Variants in PLD5 observed in about 807,000 individuals in gnomAD.
The protein encoded by PLD5 is phospholipase D family member 5.
PLD5 carries 36 observed loss-of-function variants against 61.1 expected under a neutral mutation model. The observed-to-expected ratio is 0.59, with a 90% CI of 0.45 to 0.78. The LOEUF (loss-of-function observed/expected upper bound fraction) is 0.78, where lower values mean the gene tolerates loss of function less well. PLD5 is among the 30% of genes least tolerant of loss of function. The pLI, the probability that PLD5 is intolerant of heterozygous loss-of-function variation, is 0.00. For synonymous variants in PLD5, 243 were observed against 242.8 expected (o/e 1.00, Z -0.01); for missense variants, 515 against 644.4 (o/e 0.80, Z 2.17).
intron 9 of PLD5, among the ~76,000 whole-genome samples, chr1:242,096,923 C>A (rs375492306): frequency 6.6e-6 from 1 of 151,338 alleles, no homozygotes; most frequent in Non-Finnish European, 1.5e-5. Context: ...CAACAGCCCC[C>A]GGTGTGTGAT....
intron 1 of PLD5, chr1:242,449,632 A>G (rs1207588784): frequency 4.7e-6 from 4 of 859,684 alleles, no homozygotes; most frequent in Non-Finnish European, 6.7e-6. Flanking sequence ...TTTAGCATTT[A>G]AGCAAGCACT....
chr1:242,431,682 G>A (rs1037948868), intron 1 of PLD5, among the ~76,000 whole-genome samples: 5 of 152,184 alleles, frequency 3.3e-5, no homozygotes, highest in Non-Finnish European at 7.3e-5. Flanking sequence ...CAAGGTAATA[G>A]AAATTTAAGT....
In PLD5 at chr1:242,388,816, C is replaced by T. The variant is rs191885953; in HGVS notation, c.190-40574G>A. On this transcript the variant is annotated intron_variant, in intron 1 of 9. Transcript: ENST00000536534. ...CTAAAAAATACAAAAATTAACTGGG[C>T]GTGGTGGCGGGGGCCTGTAATCCCA... Among the ~76,000 whole-genome samples the T allele has an allele frequency of 1.3e-3, 202 of 151,970 alleles. 7 individuals are homozygous for T. In the East Asian group the frequency reaches 0.028, roughly 21 times the overall value.
intron 4 of PLD5, among the ~76,000 whole-genome samples, chr1:242,226,386 C>G (rs1230534890): frequency 6.6e-6 from 1 of 152,120 alleles, no homozygotes; most frequent in Non-Finnish European, 1.5e-5. Context: ...ACTTTCGGCC[C>G]CGCAGTCTAC....
intron 1 of PLD5, among the ~76,000 whole-genome samples, chr1:242,406,776 G>A (rs936381551): frequency 6.6e-6 from 1 of 152,148 alleles, no homozygotes; most frequent in Non-Finnish European, 1.5e-5. Context: ...ATTTAACCAT[G>A]AATATTGAAC....
At chr1:242,284,070 G>C (rs888061546) in intron 3 of PLD5, among the ~76,000 whole-genome samples, 1 of 147,224 alleles carries the variant, frequency 6.8e-6, no homozygotes, top group African/African-American at 2.5e-5. Flanking sequence ...TGCCCAGTGA[G>C]AGGGGGAAAG....
At chr1:242,422,512 T>C (rs1665200503) in intron 1 of PLD5, among the ~76,000 whole-genome samples, 1 of 152,218 alleles carries the variant, frequency 6.6e-6, no homozygotes, top group Non-Finnish European at 1.5e-5. Flanking sequence ...GTGACCTACA[T>C]ACTAGCTTCT....
chr1:242,377,404 T>C, intron 1 of PLD5: 1 of 1,192,852 alleles, frequency 8.4e-7, no homozygotes, highest in Non-Finnish European at 1.2e-6. Flanking sequence ...AACTTCCGCT[T>C]GGGACTGGGG....
intron 2 of PLD5, among the ~76,000 whole-genome samples, chr1:242,330,991 C>T (rs1659134189): frequency 6.6e-6 from 1 of 152,096 alleles, no homozygotes; most frequent in Non-Finnish European, 1.5e-5. Context: ...CCCCAAACCA[C>T]TTCCTTCTTC....
intron 1 of PLD5, among the ~76,000 whole-genome samples, chr1:242,469,175 C>A (rs59581482): frequency 3.3e-4 from 51 of 152,338 alleles, no homozygotes; most frequent in African/African-American, 1.2e-3. Context: ...CTTGAAAGTG[C>A]ATTTCTACAA....
At chr1:242,257,236 T>G (rs1311345114) in intron 4 of PLD5, among the ~76,000 whole-genome samples, 1 of 151,826 alleles carries the variant, frequency 6.6e-6, no homozygotes, top group Non-Finnish European at 1.5e-5. Flanking sequence ...CAAAACCTTG[T>G]AAAAAAAAGT....
chr1:242,388,539 T>A (rs1662730882), intron 1 of PLD5, among the ~76,000 whole-genome samples: 1 of 152,096 alleles, frequency 6.6e-6, no homozygotes, highest in Non-Finnish European at 1.5e-5. Flanking sequence ...GTGGATGGAA[T>A]TCCACATAAT....
At chr1:242,428,816 A>G (rs1015135) in intron 1 of PLD5, among the ~76,000 whole-genome samples, 92,826 of 152,092 alleles carry the variant, frequency 0.61, 29,785 homozygotes, top group African/African-American at 0.81. Context: ...AAGGGAAGAA[A>G]TCACGATGAT....
chr1:242,442,983 T>C (rs1354523474), intron 1 of PLD5, among the ~76,000 whole-genome samples: 4 of 152,188 alleles, frequency 2.6e-5, no homozygotes, highest in African/African-American at 4.8e-5. Context: ...GGGGAAGTCC[T>C]AGGTGTAGCA....
chr1:242,517,784 G>A (rs1669150543), intron 1 of PLD5, among the ~76,000 whole-genome samples: 1 of 152,094 alleles, frequency 6.6e-6, no homozygotes, highest in Non-Finnish European at 1.5e-5. Flanking sequence ...CACAGTATAT[G>A]TCAAATAAGT....
At chr1:242,505,206 T>C (rs1020094347) in intron 1 of PLD5, among the ~76,000 whole-genome samples, 4 of 152,150 alleles carry the variant, frequency 2.6e-5, no homozygotes, top group African/African-American at 7.2e-5. Flanking sequence ...AATATGAAAT[T>C]ATACTGGTGG....
chr1:242,163,386 A>G (rs527883113), intron 5 of PLD5, among the ~76,000 whole-genome samples: 14,220 of 151,842 alleles, frequency 0.094, 979 homozygotes, highest in African/African-American at 0.18. Flanking sequence ...CTCGTGATCC[A>G]GCTGCCTCGG....
chr1:242,311,401 A>T (rs1159081882), intron 2 of PLD5, among the ~76,000 whole-genome samples: 2 of 152,242 alleles, frequency 1.3e-5, no homozygotes, highest in African/African-American at 4.8e-5. Context: ...TCAGGAGGTC[A>T]AGGTGAAGCC....
rs1441539271 is a variant in PLD5, at chr1:242,376,429, T to C, written c.190-28187A>G. The stretch of plus-strand genomic sequence containing the variant: ...AGGAAGTGCTGAGACACTTAAAAGT[T>C]CCTAGTGTTTTTGAGACCCACAATT... On this transcript the variant is annotated intron_variant, in intron 1 of 9. Coordinates refer to ENST00000536534, the MANE Select transcript of PLD5 (RefSeq NM_001372062.1). Among the ~76,000 whole-genome samples the C allele has an allele frequency of 3.9e-5, 6 of 152,174 alleles. No homozygotes were observed. The South Asian group carries it at 1.0e-3, about 26-fold the overall frequency.
Sources: allele counts gnomAD v4.1 joint callset (sites outside exome capture counted in the v4.1 genomes callset), GRCh38; gene constraint gnomAD v4.1.1; transcripts MANE v1.5; gene names NCBI Gene and HGNC (gene_info 2026-07-23, HGNC 2026-07-21).